Variants in TMEM87B observed in about 807,000 individuals in gnomAD.
TMEM87B encodes the protein transmembrane protein 87B.
A neutral mutation model predicts 80.3 loss-of-function variants in TMEM87B; 83 were observed. The observed-to-expected ratio is 1.03, with a 90% CI of 0.87 to 1.24. The LOEUF (loss-of-function observed/expected upper bound fraction) is 1.24. Among genes scored for constraint, TMEM87B ranks in the 50% most tolerant of loss-of-function variants. The pLI is 0.00. For synonymous variants in TMEM87B, 219 were observed against 230.5 expected (o/e 0.95, Z 0.45); for missense variants, 625 against 674.4 (o/e 0.93, Z 0.81).
chr2:112,055,489 G>A lies in TMEM87B; in HGVS notation c.-103G>A, dbSNP rs10176660. Reference sequence around the variant, plus strand: ...GAGCCCCTCCTCCACACCCGAGTCCGAGCCCCGCGTCCCGGATTCGGACCC... The same window carrying A: ...GAGCCCCTCCTCCACACCCGAGTCCAAGCCCCGCGTCCCGGATTCGGACCC... On this transcript the variant is annotated 5_prime_UTR_variant, in exon 1 of 19. Coordinates refer to ENST00000283206, the MANE Select transcript of TMEM87B (RefSeq NM_032824.3). 2 of 1,322,626 alleles carry A rather than the reference G, an allele frequency of 1.5e-6. No individual in the cohort carries two copies. Among genetic ancestry groups the A allele is most frequent in the African/African-American group, 1.6e-5 (1 of 64,446 alleles). The allele number at this position is 1,322,626 out of a possible 1,614,324, so 81.9% of individuals were successfully genotyped here.
intron 3 of TMEM87B, among the ~76,000 whole-genome samples, chr2:112,065,149 T>C (rs934666596): frequency 5.9e-5 from 9 of 152,152 alleles, no homozygotes; most frequent in African/African-American, 2.2e-4. Flanking sequence ...TGTATTGTTA[T>C]TAGTATTATA....
chr2:112,081,130 T>C lies in TMEM87B; in HGVS notation c.654+12T>C, dbSNP rs1437087228. On this transcript the variant is annotated intron_variant, in intron 7 of 18. Transcript: ENST00000283206. ...GGCCCCTAATGATTGTGAGTATTTCTCATCATTTTTTCCTTTTTAAAAAAT... is the reference window on the plus strand; with the variant it reads ...GGCCCCTAATGATTGTGAGTATTTCCCATCATTTTTTCCTTTTTAAAAAAT... The C allele has an allele frequency of 1.2e-6, 2 of 1,611,082 alleles. No individual in the cohort carries two copies. The highest frequency in any genetic ancestry group is 2.2e-5 in the South Asian group (2 of 90,784).
intron 3 of TMEM87B, among the ~76,000 whole-genome samples, chr2:112,066,601 A>G (rs773380762): frequency 1.8e-4 from 27 of 152,182 alleles, no homozygotes; most frequent in Non-Finnish European, 3.1e-4. Flanking sequence ...TCTCTTACAC[A>G]TGGGATAAAA....
intron 11 of TMEM87B, among the ~76,000 whole-genome samples, chr2:112,093,519 T>C (rs184185125): frequency 2.8e-4 from 43 of 152,300 alleles, no homozygotes; most frequent in African/African-American, 9.4e-4. Flanking sequence ...TAGGGAATAA[T>C]AACTGATCTA....
chr2:112,101,988 A>G (rs900069284), intron 15 of TMEM87B, among the ~76,000 whole-genome samples: 2 of 152,250 alleles, frequency 1.3e-5, no homozygotes, highest in Non-Finnish European at 2.9e-5. Flanking sequence ...GCTCTGATCT[A>G]TTAGAAATTT....
At chr2:112,086,824 C>T (rs944388175) in intron 9 of TMEM87B, among the ~76,000 whole-genome samples, 7 of 152,112 alleles carry the variant, frequency 4.6e-5, no homozygotes, top group African/African-American at 1.2e-4. Flanking sequence ...TGTGCATGAC[C>T]CTTTAAGTAA....
intron 11 of TMEM87B, among the ~76,000 whole-genome samples, chr2:112,092,638 C>T (rs981797977): frequency 6.6e-6 from 1 of 152,136 alleles, no homozygotes; most frequent in African/African-American, 2.4e-5. Flanking sequence ...GAAAGAAGAA[C>T]CCACGTGATA....
At chr2:112,076,030 G>A (rs1306567342) in intron 5 of TMEM87B, among the ~76,000 whole-genome samples, 2 of 152,170 alleles carry the variant, frequency 1.3e-5, no homozygotes, top group African/African-American at 2.4e-5. Flanking sequence ...TTTAGCTTAT[G>A]TACTTAATCT....
intron 1 of TMEM87B, among the ~76,000 whole-genome samples, chr2:112,057,270 G>T (rs979205705): frequency 1.3e-5 from 2 of 152,136 alleles, no homozygotes; most frequent in African/African-American, 4.8e-5. Flanking sequence ...AGGAAATTTT[G>T]TTTCTTTGTT....
At chr2:112,094,329 T>G (rs1679394784) in intron 11 of TMEM87B, among the ~76,000 whole-genome samples, 1 of 151,890 alleles carries the variant, frequency 6.6e-6, no homozygotes, top group South Asian at 2.1e-4. Context: ...GCCCAGCTAA[T>G]TTTTTGTATT....
chr2:112,070,970 C>T (rs957340686), intron 4 of TMEM87B, among the ~76,000 whole-genome samples: 23 of 151,038 alleles, frequency 1.5e-4, no homozygotes, highest in Non-Finnish European at 2.8e-4. Context: ...TACAGACGCC[C>T]GCCACCATGC....
At chr2:112,089,789 G>T in intron 10 of TMEM87B, 71 bp downstream of exon 10, 2 of 1,416,042 alleles carry the variant, frequency 1.4e-6, no homozygotes. Flanking sequence ...TGTATCTCCT[G>T]AGATGAATTT....
chr2:112,077,699 C>G lies in TMEM87B; in HGVS notation c.592+417C>G, dbSNP rs1295724479. Among the ~76,000 whole-genome samples, 3 of 152,278 alleles carry G rather than the reference C, an allele frequency of 2.0e-5. No individual in the cohort carries two copies. In the East Asian group the frequency reaches 5.8e-4, roughly 29 times the overall value. On this transcript the variant is annotated intron_variant, in intron 6 of 18. Coordinates refer to ENST00000283206, the MANE Select transcript of TMEM87B (RefSeq NM_032824.3). ...TTTGACAAATTTTATTTTAAAGGAT[C>G]TGTCTGTAGCCTAGGAGTAGAAGCA...
rs770991352 is a variant in TMEM87B at position 112,100,703 on chromosome 2, A to G, written c.1450+8A>G. On this transcript the variant is annotated splice_region_variant and intron_variant, in intron 15 of 18. Coordinates refer to ENST00000283206, the MANE Select transcript of TMEM87B (RefSeq NM_032824.3). ...TAACTTCTGAAAATTTAAGTGAGTA[A>G]TATGTTTTCTTTTTAAATGACCATT... The G allele has an allele frequency of 3.5e-5, 54 of 1,563,008 alleles. No individual in the cohort carries two copies. Among genetic ancestry groups the G allele is most frequent in the Middle Eastern group, 3.4e-4 (2 of 5,966 alleles).
intron 1 of TMEM87B, among the ~76,000 whole-genome samples, chr2:112,057,380 A>G (rs1448685582): frequency 1.3e-5 from 2 of 152,046 alleles, no homozygotes; most frequent in Admixed American, 6.5e-5. Context: ...GGCTCAAGCA[A>G]TCCTCTAGTC....
At position 112,116,088 on chromosome 2, in the gene TMEM87B, T is replaced by C; in HGVS notation, c.1613T>C (p.Ile538Thr). 1 of 1,612,144 alleles carries C rather than the reference T, an allele frequency of 6.2e-7. No homozygotes were observed. The highest frequency in any genetic ancestry group is 8.5e-7 in the Non-Finnish European group (1 of 1,179,400). Reference sequence around the variant, plus strand: ...ATCTTCTTTTTTTTTCTTCAGGAAATCATGACCAGATCTGAAATGGCTGAA... The same window carrying C: ...ATCTTCTTTTTTTTTCTTCAGGAAACCATGACCAGATCTGAAATGGCTGAA... The part of the protein sequence containing the change: ...LPVLVDSDEE[I>T]MTRSEMAEKM... Residue 538 changes from isoleucine to threonine, a missense_variant, in exon 19 of 19, where the codon ATC becomes ACC. Ile to Thr is a moderately conservative substitution (Grantham distance 89). Transcript: ENST00000283206.
intron 3 of TMEM87B, among the ~76,000 whole-genome samples, chr2:112,065,686 T>C (rs549678331): frequency 1.3e-5 from 2 of 151,038 alleles, no homozygotes; most frequent in East Asian, 1.9e-4. Context: ...TGTCCCAATA[T>C]TGTCTTTTAG....
In TMEM87B at chr2:112,055,547, G is replaced by A. The variant is rs1573670362; in HGVS notation, c.-45G>A. The A allele has an allele frequency of 1.4e-6, 2 of 1,456,062 alleles. No homozygotes were observed. The highest frequency in any genetic ancestry group is 1.8e-6 in the Non-Finnish European group (2 of 1,108,306). The allele number at this position is 1,456,062 out of a possible 1,614,324, so 90.2% of individuals were successfully genotyped here. ...TGGGGCGGTGCTGCACCAGGTGCGGGTGTGGCAGGCGTCTCGGAGCGCCAG... is the reference window on the plus strand; with the variant it reads ...TGGGGCGGTGCTGCACCAGGTGCGGATGTGGCAGGCGTCTCGGAGCGCCAG... On this transcript the variant is annotated 5_prime_UTR_variant, in exon 1 of 19. In the 5' UTR this introduces an upstream ATG that the reference lacks. Coordinates refer to ENST00000283206, the MANE Select transcript of TMEM87B (RefSeq NM_032824.3).
intron 9 of TMEM87B, 26 bp from the exon 10 acceptor site, chr2:112,089,599 T>C: frequency 6.2e-7 from 1 of 1,611,518 alleles, no homozygotes; most frequent in Non-Finnish European, 8.5e-7. Flanking sequence ...TTTTCTTCTT[T>C]CTCTGTTTCC....
Sources: gnomAD v4.1 joint callset for allele counts (sites outside exome capture counted in the v4.1 genomes callset) on GRCh38, gnomAD v4.1.1 for gene constraint, MANE v1.5 for transcripts, NCBI Gene and HGNC (gene_info 2026-07-23, HGNC 2026-07-21) for gene names.